Variants in CPXM2 observed in about 807,000 individuals in gnomAD.
CPXM2 encodes carboxypeptidase X, M14 family member 2.
Under a neutral mutation model 86.1 loss-of-function variants are expected in CPXM2, and 66 were observed. The observed-to-expected ratio is 0.77, with a 90% CI of 0.63 to 0.94. The LOEUF is 0.94. CPXM2 is among the 40% of genes least tolerant of loss of function. The pLI, the probability that CPXM2 is intolerant of heterozygous loss-of-function variation, is 0.00. For synonymous variants in CPXM2, 388 were observed against 400.2 expected (o/e 0.97, Z 0.36); for missense variants, 948 against 1,026.3 (o/e 0.92, Z 1.04).
At chr10:123,887,007 G>A (rs565943096) in intron 1 of CPXM2, 125 of 152,280 alleles carry the variant, frequency 8.2e-4, no homozygotes, top group African/African-American at 2.8e-3. Context: ...CTGAGGACCT[G>A]AGATTCACTC....
chr10:123,780,735 C>CCCTT (rs35840032), intron 6 of CPXM2, among the ~76,000 whole-genome samples: 158 of 150,836 alleles, frequency 1.0e-3, no homozygotes, highest in Middle Eastern at 6.9e-3. Context: ...GCATTCATTC[C>CCCTT]CCTTCCTTCC....
intron 6 of CPXM2, among the ~76,000 whole-genome samples, chr10:123,781,837 A>G (rs1846941746): frequency 6.6e-6 from 1 of 152,190 alleles, no homozygotes. Flanking sequence ...TCTGCCATCA[A>G]CTGAGCCAGC....
chr10:123,810,024 T>C (rs990277126), intron 4 of CPXM2, among the ~76,000 whole-genome samples: 6 of 151,704 alleles, frequency 4.0e-5, no homozygotes, highest in African/African-American at 1.2e-4. Context: ...AGACCCAAAA[T>C]GTAAGAAAGT....
chr10:123,802,498 G>A (rs28618159), intron 4 of CPXM2, among the ~76,000 whole-genome samples: 14,004 of 152,096 alleles, frequency 0.092, 719 homozygotes, highest in African/African-American at 0.15. Context: ...TTCTCACTGC[G>A]TTCTACTACT....
At chr10:123,768,825 CT>C in intron 8 of CPXM2, 103 bp from the exon 9 acceptor site, 1 of 1,037,758 alleles carries the variant, frequency 9.6e-7, no homozygotes, top group Non-Finnish European at 1.4e-6. Context: ...ATAATATAAG[CT>C]TACCGTTTTA....
chr10:123,792,860 C>T lies in CPXM2; in HGVS notation c.889+5116G>A, dbSNP rs767089315. 1.9e-4 allele frequency among the ~76,000 whole-genome samples: 29 copies of T among 152,170 alleles called. 1 individual carries two copies. Among genetic ancestry groups the T allele is most frequent in the Non-Finnish European group, 4.3e-4 (29 of 68,044 alleles). On this transcript the variant is annotated intron_variant, in intron 6 of 13. Coordinates refer to ENST00000241305, the MANE Select transcript of CPXM2 (RefSeq NM_198148.3). ...GCATCAGTGGAGACTGCTGTTCTAG[C>T]ACCCAGAGCCACCGGCAGGAAAGAC...
In CPXM2 at chr10:123,890,998, T is replaced by C. The variant is rs75765771; in HGVS notation, c.304+358A>G. Among the ~76,000 whole-genome samples, 773 of 152,320 alleles carry C rather than the reference T, an allele frequency of 5.1e-3. 7 individuals are homozygous for C. Among genetic ancestry groups the C allele is most frequent in the African/African-American group, 0.017 (714 of 41,576 alleles). Reference sequence around the variant, plus strand: ...GCGGAAATTCAGCCGCATTTGAGGATTGAAGAAGTAGGCAGAGAAGTAAGA... The same window carrying C: ...GCGGAAATTCAGCCGCATTTGAGGACTGAAGAAGTAGGCAGAGAAGTAAGA... On this transcript the variant is annotated intron_variant, in intron 1 of 13. Transcript: ENST00000241305.
At chr10:123,752,422 T>C in intron 13 of CPXM2, 2 of 985,014 alleles carry the variant, frequency 2.0e-6, no homozygotes, top group Non-Finnish European at 2.4e-6. Context: ...ATGCAATTTA[T>C]GGCATTACAC....
rs1381814198 is a variant in CPXM2 at position 123,791,184 on chromosome 10, C to T, written c.889+6792G>A. Among the ~76,000 whole-genome samples the T allele has an allele frequency of 2.6e-5, 4 of 152,072 alleles. No individual in the cohort carries two copies. In the East Asian group the frequency reaches 5.8e-4, roughly 22 times the overall value. On this transcript the variant is annotated intron_variant, in intron 6 of 13. Transcript: ENST00000241305. Reference sequence around the variant, plus strand: ...ATCCCAGCACTTTGGGAGGCTGAGGCGGGCAGATCATCTGAGGTCGGGGGT... The same window carrying T: ...ATCCCAGCACTTTGGGAGGCTGAGGTGGGCAGATCATCTGAGGTCGGGGGT...
upstream of CPXM2, among the ~76,000 whole-genome samples, chr10:123,892,188 C>T (rs912623041): frequency 6.6e-6 from 1 of 152,178 alleles, no homozygotes; most frequent in African/African-American, 2.4e-5. Flanking sequence ...AACCGTGCCC[C>T]GTGTGCTGAC....
Position 123,862,627 on chromosome 10 carries a change from C to T in CPXM2, c.500G>A (p.Arg167Lys). 6.8e-6 allele frequency: 11 copies of T among 1,614,162 alleles called. No homozygotes were observed. Among genetic ancestry groups the T allele is most frequent in the Non-Finnish European group, 7.6e-6 (9 of 1,179,990 alleles). Residue 167 changes from arginine to lysine, a missense_variant, in exon 3 of 14, where the codon AGA becomes AAA. By Grantham distance (26) the Arg-to-Lys change is conservative (BLOSUM62 2). Transcript: ENST00000241305. Reference protein sequence around the residue: ...KRYGLGAHRGRLNIQAGINEN... With the variant: ...KRYGLGAHRGKLNIQAGINEN... ...AGGGCCAGGTACCTGGATGTTGAGT[C>T]TCCCTCGATGTGCCCCCAGGCCATA...
chr10:123,901,917 G>A (rs1394441343), intron 2 of CPXM2, among the ~76,000 whole-genome samples: 3 of 152,134 alleles, frequency 2.0e-5, no homozygotes, highest in Non-Finnish European at 2.9e-5. Flanking sequence ...AGGTAAGCGG[G>A]GCTGAATTTT....
intron 2 of CPXM2, among the ~76,000 whole-genome samples, chr10:123,930,312 C>T (rs1945657090): frequency 6.6e-6 from 1 of 152,272 alleles, no homozygotes; most frequent in South Asian, 2.1e-4. Context: ...TTGCTCCCCG[C>T]AGCACCATCT....
chr10:123,894,251 A>G (rs1945315351), upstream of CPXM2, among the ~76,000 whole-genome samples: 1 of 152,182 alleles, frequency 6.6e-6, no homozygotes, highest in African/African-American at 2.4e-5. Flanking sequence ...TTAGGTGAGT[A>G]ACATAACATA....
At chr10:123,775,014 T>A (rs944686479) in intron 7 of CPXM2, among the ~76,000 whole-genome samples, 4 of 152,154 alleles carry the variant, frequency 2.6e-5, no homozygotes, top group Non-Finnish European at 5.9e-5. Flanking sequence ...CAGAGGAGAT[T>A]TTTCCCATTC....
At chr10:123,904,911 C>T (rs28679613) in intron 2 of CPXM2, among the ~76,000 whole-genome samples, 16,998 of 54,282 alleles carry the variant, frequency 0.31, 3,527 homozygotes, top group African/African-American at 0.33. Context: ...AGCTCTGCAT[C>T]ACACCTGCAT....
chr10:123,750,614 C>T, intron 13 of CPXM2: 1 of 957,370 alleles, frequency 1.0e-6, no homozygotes, highest in Non-Finnish European at 1.2e-6. Flanking sequence ...CTCTAGGTCT[C>T]CTTCACTAGA....
chr10:123,859,003 C>T (rs971433260), intron 3 of CPXM2, among the ~76,000 whole-genome samples: 1 of 152,214 alleles, frequency 6.6e-6, no homozygotes, highest in East Asian at 1.9e-4. Flanking sequence ...GCATCTCACC[C>T]GAGGCCACAT....
upstream of CPXM2, among the ~76,000 whole-genome samples, chr10:123,893,475 T>G (rs1945305733): frequency 6.6e-6 from 1 of 152,180 alleles, no homozygotes; most frequent in Admixed American, 6.5e-5. Context: ...CAAAGCAGAA[T>G]GACCAGAGGG....
Sources: gnomAD v4.1 joint callset for allele counts (sites outside exome capture counted in the v4.1 genomes callset) on GRCh38, gnomAD v4.1.1 for gene constraint, MANE v1.5 for transcripts, NCBI Gene and HGNC (gene_info 2026-07-23, HGNC 2026-07-21) for gene names.